Variants in INTU observed in about 807,000 individuals in gnomAD.
INTU encodes the protein inturned planar cell polarity protein, also known as protein inturned.
Under a neutral mutation model 100.5 loss-of-function variants are expected in INTU, and 68 were observed. That is an observed-to-expected ratio of 0.68 (90% CI 0.56 to 0.83). The LOEUF (loss-of-function observed/expected upper bound fraction) is 0.83. INTU is among the 40% of genes least tolerant of loss of function. The pLI, the probability that INTU is intolerant of heterozygous loss-of-function variation, is 0.00. For missense variants in INTU, 1,071 were observed against 1,114.7 expected (o/e 0.96, Z 0.56); for synonymous variants, 357 against 395.7 (o/e 0.90, Z 1.16).
Position 127,708,424 on chromosome 4 carries a change from A to G in INTU, c.2272-147A>G, listed in dbSNP as rs1730972838. On this transcript the variant is annotated intron_variant, in intron 12 of 15. Transcript: ENST00000335251. ...ATCCCTGTCAGCCATGGATAAGCCAAGAGGTACAAGTTAGCATCAAAAATA... is the reference window on the plus strand; with the variant it reads ...ATCCCTGTCAGCCATGGATAAGCCAGGAGGTACAAGTTAGCATCAAAAATA... The G allele has an allele frequency of 5.4e-6, 3 of 555,090 alleles. No individual in the cohort carries two copies. The South Asian group carries it at 6.6e-5, about 12-fold the overall frequency. 34.4% of individuals were successfully genotyped at this position (555,090 alleles called of 1,614,324 possible). A position where few individuals can be genotyped will look rare whatever the true frequency, so the allele number is the denominator to read the frequency against.
At chr4:127,715,374 C>G (rs1433986204) in intron 15 of INTU, among the ~76,000 whole-genome samples, 4 of 152,160 alleles carry the variant, frequency 2.6e-5, no homozygotes, top group Admixed American at 6.6e-5. Context: ...ATGACAGACA[C>G]TTTACAGACA....
chr4:127,702,842 C>G (rs1343012245), intron 9 of INTU, among the ~76,000 whole-genome samples: 1 of 152,084 alleles, frequency 6.6e-6, no homozygotes, highest in Non-Finnish European at 1.5e-5. Context: ...TGTTCTGTCC[C>G]CATGATTTTG....
Position 127,716,423 on chromosome 4 carries a change from G to C in INTU, c.2816G>C (p.Gly939Ala). Residue 939 changes from glycine to alanine, a missense_variant, in exon 16 of 16, where the codon GGG (glycine) becomes GCG (alanine). By Grantham distance (60) the Gly-to-Ala change is moderately conservative. Transcript: ENST00000335251. ...AIEIAFKLFF[G>A]LTL Reference sequence around the variant, plus strand: ...GAAATAGCTTTTAAATTGTTCTTTGGGTTAACCTTGTAGCTGTGCTTTCTT... The same window carrying C: ...GAAATAGCTTTTAAATTGTTCTTTGCGTTAACCTTGTAGCTGTGCTTTCTT... The C allele has an allele frequency of 6.4e-7, 1 of 1,561,696 alleles. No homozygotes were observed. Among genetic ancestry groups the C allele is most frequent in the Non-Finnish European group, 8.7e-7 (1 of 1,145,222 alleles).
At chr4:127,691,038 A>G (rs1730098111) in intron 8 of INTU, among the ~76,000 whole-genome samples, 2 of 152,122 alleles carry the variant, frequency 1.3e-5, no homozygotes, top group African/African-American at 4.8e-5. Context: ...AACCCCTGGA[A>G]ACAAATGATC....
chr4:127,648,386 A>G (rs182687410), intron 2 of INTU, among the ~76,000 whole-genome samples: 5 of 152,308 alleles, frequency 3.3e-5, no homozygotes. Context: ...TTTTCTACTA[A>G]ACATTTAAAA....
intron 7 of INTU, chr4:127,686,832 G>A (rs188320209): frequency 2.0e-5 from 3 of 152,148 alleles, no homozygotes; most frequent in African/African-American, 7.2e-5. Context: ...TGAGAATAGT[G>A]CCTGGAATGT....
At position 127,691,962 on chromosome 4, in the gene INTU, G is replaced by GTATATATATATATATATATATATA. The variant is rs1553982611; in HGVS notation, c.1449+4114_1449+4115insATATATATATATATATATATATAT. 1.1e-3 allele frequency among the ~76,000 whole-genome samples: 112 copies of GTATATATATATATATATATATATA among 98,212 alleles called. 1 individual carries two copies. The highest frequency in any genetic ancestry group is 3.6e-3 in the East Asian group (14 of 3,876). The allele number at this position is 98,212 out of a possible 152,430, so 64.4% of individuals were successfully genotyped here. A position where few individuals can be genotyped will look rare whatever the true frequency, so the allele number is the denominator to read the frequency against. On this transcript the variant is annotated intron_variant, in intron 8 of 15. Coordinates refer to ENST00000335251, the MANE Select transcript of INTU (RefSeq NM_015693.4). ...GGCGGAGTATAGTGTTCCATGGTAT[G>GTATATATATATATATATATATATA]TATATATATATATATATATGTCACA...
Position 127,701,370 on chromosome 4 carries a change from C to G in INTU, c.1503+1307C>G, listed in dbSNP as rs77019646. Reference sequence around the variant, plus strand: ...ATTATCAACCAAGTGTATGTATGTCCTTTCTTAGATCCTAATTCAAACAAA... The same window carrying G: ...ATTATCAACCAAGTGTATGTATGTCGTTTCTTAGATCCTAATTCAAACAAA... On this transcript the variant is annotated intron_variant, in intron 9 of 15. Coordinates refer to ENST00000335251, the MANE Select transcript of INTU (RefSeq NM_015693.4). Among the ~76,000 whole-genome samples, 3 of 152,232 alleles carry G rather than the reference C, an allele frequency of 2.0e-5. No individual in the cohort carries two copies. In the East Asian group the frequency reaches 5.8e-4, roughly 29 times the overall value.
At chr4:127,697,159 C>G (rs1490988245) in intron 8 of INTU, among the ~76,000 whole-genome samples, 1 of 152,154 alleles carries the variant, frequency 6.6e-6, no homozygotes, top group Non-Finnish European at 1.5e-5. Flanking sequence ...ATAGAATTTT[C>G]CCATTTAAAA....
chr4:127,686,139 A>C (rs1729813632), intron 7 of INTU: 1 of 152,210 alleles, frequency 6.6e-6, no homozygotes, highest in African/African-American at 2.4e-5. Flanking sequence ...AGACTTGATT[A>C]TCTTTTTAAA....
chr4:127,669,737 T>C (rs1203812300), intron 5 of INTU, among the ~76,000 whole-genome samples: 1 of 151,958 alleles, frequency 6.6e-6, no homozygotes, highest in Admixed American at 6.6e-5. Flanking sequence ...ATCTCCAATG[T>C]CTGTTATTCC....
At chr4:127,714,671 A>C (rs1304052027) in intron 15 of INTU, among the ~76,000 whole-genome samples, 1 of 152,096 alleles carries the variant, frequency 6.6e-6, no homozygotes, top group South Asian at 2.1e-4. Flanking sequence ...TTCCCTCATC[A>C]AAGTGGCTAC....
At chr4:127,707,722 A>AAGAT (rs1283814695) in intron 12 of INTU, among the ~76,000 whole-genome samples, 2 of 152,174 alleles carry the variant, frequency 1.3e-5, no homozygotes, top group African/African-American at 4.8e-5. Flanking sequence ...TGTAACACTT[A>AAGAT]AAGATTTAAA....
chr4:127,639,928 G>T (rs919101755), intron 1 of INTU, among the ~76,000 whole-genome samples: 39 of 152,148 alleles, frequency 2.6e-4, no homozygotes, highest in African/African-American at 8.9e-4. Context: ...ACTTAACTCG[G>T]AACTATTCCT....
At chr4:127,648,203 A>G (rs776628560) in intron 2 of INTU, among the ~76,000 whole-genome samples, 8 of 152,192 alleles carry the variant, frequency 5.3e-5, no homozygotes, top group Non-Finnish European at 1.0e-4. Flanking sequence ...ACTCCCGTGT[A>G]CTTATGGAGA....
Position 127,710,394 on chromosome 4 carries a change from G to C in INTU, c.2370-519G>C, listed in dbSNP as rs747960907. Among the ~76,000 whole-genome samples the C allele has an allele frequency of 7.3e-4, 111 of 151,870 alleles. 1 individual carries two copies. The highest frequency in any genetic ancestry group is 7.7e-4 in the Non-Finnish European group (52 of 67,966). Reference sequence around the variant, plus strand: ...ATAAAACATTTCATTCAGTAACTAAGTCCTACCCATTCTGCATTCCAGTAG... The same window carrying C: ...ATAAAACATTTCATTCAGTAACTAACTCCTACCCATTCTGCATTCCAGTAG... On this transcript the variant is annotated intron_variant, in intron 13 of 15. Transcript: ENST00000335251.
At chr4:127,714,310 T>G (rs540842997) in intron 15 of INTU, among the ~76,000 whole-genome samples, 6,250 of 152,242 alleles carry the variant, frequency 0.041, 400 homozygotes, top group African/African-American at 0.14. Flanking sequence ...AGTAATACAC[T>G]GAAAGAATAA....
At chr4:127,641,876 T>G (rs1727349431) in intron 1 of INTU, among the ~76,000 whole-genome samples, 2 of 152,196 alleles carry the variant, frequency 1.3e-5, no homozygotes, top group South Asian at 4.1e-4. Flanking sequence ...ACATTCAAAC[T>G]TTAGAGATTG....
Position 127,721,531 on chromosome 4 carries a change from G to T in INTU, c.*5095G>T, listed in dbSNP as rs1316067458. 6.6e-6 allele frequency: 1 copy of T among 152,210 alleles called. No individual in the cohort carries two copies. Among genetic ancestry groups the T allele is most frequent in the African/African-American group, 2.4e-5 (1 of 41,438 alleles). The allele number at this position is 152,210 out of a possible 1,614,324, so 9.4% of individuals were successfully genotyped here. A position where few individuals can be genotyped will look rare whatever the true frequency, so the allele number is the denominator to read the frequency against. ...TGTTGGCCTGTCTTGCTAGGTTGGG[G>T]AAGTTTTCCTGGATGATATCCAGAA... On this transcript the variant is annotated 3_prime_UTR_variant, in exon 16 of 16. Coordinates refer to ENST00000335251, the MANE Select transcript of INTU (RefSeq NM_015693.4).
Sources: allele counts gnomAD v4.1 joint callset (sites outside exome capture counted in the v4.1 genomes callset), GRCh38; gene constraint gnomAD v4.1.1; transcripts MANE v1.5; gene names NCBI Gene and HGNC (gene_info 2026-07-23, HGNC 2026-07-21).